The following HTT variants were observed in gnomAD, a reference collection of about 807,000 sequenced individuals.
The protein encoded by HTT is huntingtin, also known as huntington disease protein.
Under a neutral mutation model 362.3 loss-of-function variants are expected in HTT, and 104 were observed. The ratio of observed to expected loss-of-function variants is 0.29; its 90% confidence interval spans 0.24 to 0.34. HTT has a LOEUF of 0.34. Ranked by LOEUF, HTT falls within the 10% of genes least tolerant of loss-of-function variation. The pLI is 1.00. For synonymous variants in HTT, 1,577 were observed against 1,548.7 expected, an observed-to-expected ratio of 1.02 and a Z score of -0.43; for missense variants, 3,301 against 3,928.6, an observed-to-expected ratio of 0.84 and a Z score of 4.27.
At position 3,196,324 on chromosome 4, in the gene HTT, G is replaced by A. The variant is rs3025829; in HGVS notation, c.5369-3408G>A. ...AGCGGAACAGGGGACCTTCTATCCT[G>A]TCCCCAAGTTCATCCTCATCCTCCT... On this transcript the variant is annotated intron_variant, in intron 40 of 66. Transcript: ENST00000355072. 1.1e-3 allele frequency among the ~76,000 whole-genome samples: 161 copies of A among 152,250 alleles called. 5 individuals are homozygous for A. In the East Asian group the frequency reaches 0.022, roughly 21 times the overall value.
chr4:3,172,813 T>C (rs1182983556), intron 30 of HTT, 95 bp from the exon 31 acceptor site: 1 of 868,092 alleles, frequency 1.2e-6, no homozygotes, highest in African/African-American at 1.6e-5. Flanking sequence ...TGCTAACATA[T>C]CCAGTTATTT....
chr4:3,127,233 A>G (rs771616120), intron 11 of HTT, 31 bp from the exon 12 acceptor site: 16 of 1,533,280 alleles, frequency 1.0e-5, no homozygotes, highest in East Asian at 6.8e-5. Flanking sequence ...TTCTCTCGCC[A>G]TTTGACAAAT....
Position 3,235,574 on chromosome 4 carries a change from G to A in HTT, c.8581G>A (p.Val2861Met), listed in dbSNP as rs1721488138. 6.2e-7 allele frequency: 1 copy of A among 1,613,876 alleles called. No individual in the cohort carries two copies. Among genetic ancestry groups the A allele is most frequent in the Admixed American group, 1.7e-5 (1 of 60,024 alleles). ...FSASIIQMCG[V>M]MLSGSEESTP... ...CTTTCTCCCTGTGCAGATGTGTGGG[G>A]TGATGCTGTCTGGAAGTGAGGAGTC... Residue 2861 changes from valine to methionine, a missense_variant, in exon 63 of 67, where the codon GTG (valine) becomes ATG (methionine). Physicochemically the swap from Val to Met is conservative, Grantham distance 21 (BLOSUM62 1). Around this residue, in one of 4 missense-constraint regions of HTT, gnomAD observed 753 missense variants for 1,021.3 expected, o/e 0.74. Coordinates refer to ENST00000355072, the MANE Select transcript of HTT (RefSeq NM_001388492.1).
At chr4:3,190,748 T>C (rs1476532203) in intron 40 of HTT, among the ~76,000 whole-genome samples, 2 of 152,142 alleles carry the variant, frequency 1.3e-5, no homozygotes, top group Non-Finnish European at 2.9e-5. Context: ...AGATGCCAGC[T>C]GTGCAGCAAG....
chr4:3,160,829 T>C (rs902809988), intron 29 of HTT, among the ~76,000 whole-genome samples: 3 of 152,138 alleles, frequency 2.0e-5, no homozygotes, highest in South Asian at 2.1e-4. Context: ...CTCTGACTTA[T>C]CTCACAGAAA....
At chr4:3,197,695 C>T (rs1428041788) in intron 40 of HTT, among the ~76,000 whole-genome samples, 2 of 152,112 alleles carry the variant, frequency 1.3e-5, no homozygotes, top group African/African-American at 4.8e-5. Context: ...AAGCTGAGGC[C>T]CCAGGTAAGG....
At position 3,212,574 on chromosome 4, in the gene HTT, A is replaced by G. The variant is rs753624287; in HGVS notation, c.6639A>G (p.Ala2213=). The G allele has an allele frequency of 3.5e-5, 57 of 1,614,094 alleles. No homozygotes were observed. Among genetic ancestry groups the G allele is most frequent in the Non-Finnish European group, 4.8e-5 (57 of 1,180,030 alleles). ...SKLNDLFGDA[A]LYQSLPTLAR... ...GTCCTTCTGTTTCAGGGGATGCTGCACTGTATCAGTCCCTGCCCACTCTGG... is the reference window on the plus strand; with the variant it reads ...GTCCTTCTGTTTCAGGGGATGCTGCGCTGTATCAGTCCCTGCCCACTCTGG... Residue 2213 remains alanine, a synonymous_variant, in exon 49 of 67, where the codon GCA becomes GCG. Transcript: ENST00000355072.
At chr4:3,092,095 T>C (rs1246642683) in intron 2 of HTT, among the ~76,000 whole-genome samples, 1 of 152,220 alleles carries the variant, frequency 6.6e-6, no homozygotes, top group African/African-American at 2.4e-5. Context: ...CGATCTCGGC[T>C]CACTGCAACC....
intron 61 of HTT, among the ~76,000 whole-genome samples, chr4:3,233,569 G>A (rs1362301403): frequency 3.3e-5 from 5 of 152,172 alleles, no homozygotes; most frequent in African/African-American, 1.2e-4. Context: ...TGGAGCTCTC[G>A]CCTCTGCTGC....
chr4:3,119,911 G>A lies in HTT; in HGVS notation c.1069-1317G>A, dbSNP rs891660104. 1.3e-3 allele frequency among the ~76,000 whole-genome samples: 203 copies of A among 152,268 alleles called. 1 individual carries two copies. The highest frequency in any genetic ancestry group is 4.6e-3 in the African/African-American group (192 of 41,550). On this transcript the variant is annotated intron_variant, in intron 8 of 66. Coordinates refer to ENST00000355072, the MANE Select transcript of HTT (RefSeq NM_001388492.1). ...GATAGTAAATATTTTCAGTCTTGCA[G>A]GCCATCCCAAGTCTGTGGCAGCTAC...
chr4:3,223,360 T>C, intron 54 of HTT, 46 bp from the exon 55 acceptor site: 1 of 1,522,050 alleles, frequency 6.6e-7, no homozygotes, highest in Non-Finnish European at 8.8e-7. Context: ...CAGAGGTGGT[T>C]GTGGGTGTCT....
At chr4:3,197,095 TGTCACTCA>T (rs1719289322) in intron 40 of HTT, among the ~76,000 whole-genome samples, 2 of 152,186 alleles carry the variant, frequency 1.3e-5, no homozygotes, top group African/African-American at 4.8e-5. Context: ...GCTGCCCTCT[TGTCACTCA>T]GTAGCTTGTG....
At chr4:3,150,090 C>G (rs1310857172) in intron 26 of HTT, among the ~76,000 whole-genome samples, 10 of 152,182 alleles carry the variant, frequency 6.6e-5, no homozygotes, top group Non-Finnish European at 1.0e-4. Context: ...GTCCTTCCTG[C>G]CCACCAGCAC....
chr4:3,121,694 CAAAAAAAAAAAA>C (rs1019406950), intron 9 of HTT: 3 of 39,430 alleles, frequency 7.6e-5, no homozygotes, highest in African/African-American at 3.1e-4. Context: ...CCTGTCTCTA[CAAAAAAAAAAAA>C]AAAAAAAAAA....
At chr4:3,107,637 G>A (rs1714501553) in intron 6 of HTT, among the ~76,000 whole-genome samples, 2 of 152,162 alleles carry the variant, frequency 1.3e-5, no homozygotes, top group Admixed American at 6.5e-5. Flanking sequence ...GTTGAATTGG[G>A]AGATGGTTTC....
intron 40 of HTT, among the ~76,000 whole-genome samples, chr4:3,192,350 T>G (rs1179502334): frequency 6.6e-6 from 1 of 152,218 alleles, no homozygotes; most frequent in East Asian, 1.9e-4. Flanking sequence ...AATGCTGAGG[T>G]TATAGGTGTC....
At position 3,233,201 on chromosome 4, in the gene HTT, G is replaced by T; in HGVS notation, c.8304G>T (p.Glu2768Asp). The change falls in exon 61 of 67, where the codon GAG becomes GAT. Residue 2768 changes from glutamate (E) to aspartate (D), a missense_variant. Physicochemically the swap from Glu to Asp is conservative, Grantham distance 45. Around this residue, in one of 4 missense-constraint regions of HTT, gnomAD observed 753 missense variants for 1,021.3 expected, o/e 0.74. Coordinates refer to ENST00000355072, the MANE Select transcript of HTT (RefSeq NM_001388492.1). The stretch of plus-strand genomic sequence containing the variant: ...CGGAGCCTGTCAGCCGCCTGCTGGA[G>T]AGCACGCTCAGGAGCAGCCACCTGC... ...AVAEPVSRLL[E>D]STLRSSHLPS... The T allele has an allele frequency of 1.3e-6, 2 of 1,598,022 alleles. 1 individual carries two copies. Among genetic ancestry groups the T allele is most frequent in the African/African-American group, 2.7e-5 (2 of 74,824 alleles).
chr4:3,174,891 C>T (rs1232846198), intron 32 of HTT, 55 bp from the exon 33 acceptor site: 16 of 1,554,520 alleles, frequency 1.0e-5, no homozygotes, highest in Non-Finnish European at 1.4e-5. Context: ...TTGCTTGAAG[C>T]TTTTAGTTGA....
Position 3,172,336 on chromosome 4 carries a change from T to C in HTT, c.3881T>C (p.Leu1294Pro). 1 of 1,603,276 alleles carries C rather than the reference T, an allele frequency of 6.2e-7. No homozygotes were observed. Among genetic ancestry groups the C allele is most frequent in the Non-Finnish European group, 8.5e-7 (1 of 1,170,352 alleles). ...TTTCTACAGTGTGTTGAAGAGATCC[T>C]AGGATACCTGAAATCCTGCTTTAGT... ...QDIGKCVEEI[L>P]GYLKSCFSRE... The change falls in exon 30 of 67, where the codon CTA becomes CCA. Residue 1294 changes from leucine to proline, a missense_variant. Transcript: ENST00000355072.
Sources: gnomAD v4.1 joint callset for allele counts (sites outside exome capture counted in the v4.1 genomes callset) on GRCh38, gnomAD v4.1.1 for gene constraint, gnomAD v4.1.1 regional missense constraint, MANE v1.5 for transcripts, NCBI Gene and HGNC (gene_info 2026-07-23, HGNC 2026-07-21) for gene names.